ADAMTSL3: variants seen among roughly 807,000 people sequenced by gnomAD.
The protein encoded by ADAMTSL3 is ADAMTS-like protein 3.
In ADAMTSL3, 128 loss-of-function variants were observed where a neutral mutation model predicts 201.7. That is an observed-to-expected ratio of 0.63 (90% CI 0.55 to 0.73). The LOEUF is 0.73. ADAMTSL3 is among the 30% of genes least tolerant of loss of function. ADAMTSL3 has a pLI of 0.00. For synonymous variants in ADAMTSL3, 738 were observed against 748.4 expected (o/e 0.99, Z 0.23); for missense variants, 1,990 against 2,119.6 (o/e 0.94, Z 1.20).
intron 13 of ADAMTSL3, among the ~76,000 whole-genome samples, chr15:83,896,228 A>G (rs2065611704): frequency 6.6e-6 from 1 of 152,196 alleles, no homozygotes; most frequent in South Asian, 2.1e-4. Context: ...GAGATAACAA[A>G]TGAAGGAGGT....
chr15:83,712,381 C>G (rs959630825), intron 3 of ADAMTSL3, among the ~76,000 whole-genome samples: 1 of 152,232 alleles, frequency 6.6e-6, no homozygotes, highest in Admixed American at 6.5e-5. Context: ...GCCTCTCTTG[C>G]AGGCCTCACC....
chr15:83,949,734 T>C (rs767178121), intron 19 of ADAMTSL3, among the ~76,000 whole-genome samples: 5 of 152,182 alleles, frequency 3.3e-5, no homozygotes, highest in Non-Finnish European at 7.4e-5. Flanking sequence ...CTCATTGTAG[T>C]TCTGATTCGC....
chr15:83,874,202 G>A lies in ADAMTSL3; in HGVS notation c.960+3243G>A, dbSNP rs188454112. On this transcript the variant is annotated intron_variant, in intron 9 of 29. Coordinates refer to ENST00000286744, the MANE Select transcript of ADAMTSL3 (RefSeq NM_207517.3). ...GGCAGCGAGCCATGAAATTCATGAT[G>A]GTGGTTGCTCTCCAGGGCAGGGAGG... Among the ~76,000 whole-genome samples the A allele has an allele frequency of 2.5e-4, 36 of 144,892 alleles. 10 individuals are homozygous for A. The East Asian group carries it at 8.3e-3, about 33-fold the overall frequency.
intron 19 of ADAMTSL3, among the ~76,000 whole-genome samples, chr15:83,963,322 G>A (rs2067008700): frequency 2.6e-5 from 4 of 152,220 alleles, no homozygotes. Context: ...CTTGGTGGGG[G>A]AAGGGGCGTC....
At chr15:83,937,201 C>T (rs1248350155) in intron 17 of ADAMTSL3, among the ~76,000 whole-genome samples, 1 of 150,972 alleles carries the variant, frequency 6.6e-6, no homozygotes. Flanking sequence ...CATAAAGACA[C>T]ATGCACACGT....
intron 2 of ADAMTSL3, among the ~76,000 whole-genome samples, chr15:83,688,749 T>TACACAC (rs1157433275): frequency 0.032 from 1,571 of 48,942 alleles, 30 homozygotes; most frequent in African/African-American, 0.099. Context: ...TACACATGCA[T>TACACAC]ATATATACAC....
In ADAMTSL3 at chr15:83,899,675, T is replaced by G; in HGVS notation, c.1644T>G (p.Pro548=). ...AAAGTCCAGTGGAAGCAAAATTGCC[T>G]TGGCTGAAACAAGCACAAGAACTAG... ...KEKSPVEAKL[P]WLKQAQELEE... is the part of the protein sequence containing the mutation. The change falls in exon 15 of 30, where the codon CCT becomes CCG. Residue 548 remains proline (P), a synonymous_variant. Coordinates refer to ENST00000286744, the MANE Select transcript of ADAMTSL3 (RefSeq NM_207517.3). 1 of 1,612,390 alleles carries G rather than the reference T, an allele frequency of 6.2e-7. No individual in the cohort carries two copies. The highest frequency in any genetic ancestry group is 1.7e-4 in the Middle Eastern group (1 of 6,058).
At position 83,704,476 on chromosome 15, in the gene ADAMTSL3, G is replaced by A; in HGVS notation, c.157G>A (p.Glu53Lys). 6.2e-7 allele frequency: 1 copy of A among 1,614,160 alleles called. No individual in the cohort carries two copies. Among genetic ancestry groups the A allele is most frequent in the Non-Finnish European group, 8.5e-7 (1 of 1,180,024 alleles). Reference sequence around the variant, plus strand: ...AAGTTTTCTGGAAGACACAACAGGGGAGCAGTTCCTCACTTATCGCTATGA... The same window carrying A: ...AAGTTTTCTGGAAGACACAACAGGGAAGCAGTTCCTCACTTATCGCTATGA... ...QGSFLEDTTG[E>K]QFLTYRYDDQ... is the part of the protein sequence containing the mutation. Residue 53 changes from glutamate to lysine, a missense_variant, in exon 3 of 30, where the codon GAG (glutamate) becomes AAG (lysine). By Grantham distance (56) the Glu-to-Lys change is moderately conservative. Coordinates refer to ENST00000286744, the MANE Select transcript of ADAMTSL3 (RefSeq NM_207517.3).
At chr15:83,662,859 A>C (rs999578287) in intron 2 of ADAMTSL3, among the ~76,000 whole-genome samples, 1 of 152,074 alleles carries the variant, frequency 6.6e-6, no homozygotes, top group Non-Finnish European at 1.5e-5. Context: ...TCAGCTCTTT[A>C]CTCAACTGGA....
intron 23 of ADAMTSL3, among the ~76,000 whole-genome samples, chr15:84,002,904 A>ATC (rs1255488844): frequency 1.4e-5 from 2 of 142,722 alleles, no homozygotes; most frequent in African/African-American, 5.2e-5. Flanking sequence ...CACCTCCATA[A>ATC]TCTCTCTTTT....
rs575946756 is a variant in ADAMTSL3 at position 83,732,257 on chromosome 15, A to G, written c.189+27749A>G. Among the ~76,000 whole-genome samples, 5 of 152,246 alleles carry G rather than the reference A, an allele frequency of 3.3e-5. No individual in the cohort carries two copies. In the South Asian group the frequency reaches 1.0e-3, roughly 32 times the overall value. ...CTCAGAAGGGGTTAAATTATTTTCT[A>G]GGTACCTTATTTCCAGACTGTAATG... On this transcript the variant is annotated intron_variant, in intron 3 of 29. Transcript: ENST00000286744.
At chr15:83,671,136 A>G (rs2061324774) in intron 2 of ADAMTSL3, among the ~76,000 whole-genome samples, 1 of 152,092 alleles carries the variant, frequency 6.6e-6, no homozygotes, top group Non-Finnish European at 1.5e-5. Flanking sequence ...TTTGTACTAT[A>G]TTTTTCAGGT....
In ADAMTSL3 at chr15:83,897,881, G is replaced by A. The variant is rs1460145964; in HGVS notation, c.1491G>A (p.Gly497=). Reference sequence around the variant, plus strand: ...AGTGCACAGTGACTTGTGGCCGAGGGTTACGGTACCGGGTTGTTCTGTGTA... The same window carrying A: ...AGTGCACAGTGACTTGTGGCCGAGGATTACGGTACCGGGTTGTTCTGTGTA... ...WSQCTVTCGR[G]LRYRVVLCIN... is the part of the protein sequence containing the mutation. Residue 497 remains glycine (G), a synonymous_variant, in exon 14 of 30, where the codon GGG becomes GGA. Transcript: ENST00000286744. 3.0e-5 allele frequency: 48 copies of A among 1,608,546 alleles called. No individual in the cohort carries two copies. Among genetic ancestry groups the A allele is most frequent in the South Asian group, 7.8e-5 (7 of 90,304 alleles).
intron 5 of ADAMTSL3, among the ~76,000 whole-genome samples, chr15:83,813,080 T>C (rs969784880): frequency 1.3e-5 from 2 of 152,240 alleles, no homozygotes; most frequent in African/African-American, 4.8e-5. Context: ...TAAAGCATGG[T>C]AGCTTTTAGC....
At position 83,982,332 on chromosome 15, in the gene ADAMTSL3, C is replaced by G. The variant is rs771562663; in HGVS notation, c.2704C>G (p.Gln902Glu). 2.5e-6 allele frequency: 4 copies of G among 1,613,684 alleles called. No homozygotes were observed. The highest frequency in any genetic ancestry group is 3.4e-6 in the Non-Finnish European group (4 of 1,179,956). Residue 902 changes from glutamine to glutamate, a missense_variant, in exon 21 of 30, where the codon CAG (glutamine) becomes GAG (glutamate). Transcript: ENST00000286744. ...GCAGGGTCCGCAGATCCTCAGTGTC[C>G]AGAGAGTCTACATTCAGACAAGGGA... Reference protein sequence around the residue: ...GEQGPQILSVQRVYIQTREEK... With the variant: ...GEQGPQILSVERVYIQTREEK...
intron 21 of ADAMTSL3, among the ~76,000 whole-genome samples, chr15:83,985,461 C>G (rs1233607373): frequency 6.6e-6 from 1 of 152,010 alleles, no homozygotes; most frequent in African/African-American, 2.4e-5. Flanking sequence ...ATTGGTCATT[C>G]TTTCAAGTAA....
Position 83,720,322 on chromosome 15 carries a change from C to G in ADAMTSL3, c.189+15814C>G, listed in dbSNP as rs187155857. Among the ~76,000 whole-genome samples the G allele has an allele frequency of 2.2e-4, 33 of 152,216 alleles. 1 individual carries two copies. Among genetic ancestry groups the G allele is most frequent in the Admixed American group, 2.0e-4 (3 of 15,282 alleles). On this transcript the variant is annotated intron_variant, in intron 3 of 29. Transcript: ENST00000286744. ...AATGCAACTTCAAAAATATCAAATT[C>G]ACTAGAAAAAATTAATTAGCAGAAA...
At chr15:84,029,844 C>T (rs556660881) in intron 27 of ADAMTSL3, among the ~76,000 whole-genome samples, 21 of 152,256 alleles carry the variant, frequency 1.4e-4, no homozygotes, top group Admixed American at 3.3e-4. Flanking sequence ...TTGTGCAGTC[C>T]GAGCACTTGG....
chr15:83,687,020 G>A (rs2061545392), intron 2 of ADAMTSL3, among the ~76,000 whole-genome samples: 1 of 144,400 alleles, frequency 6.9e-6, no homozygotes, highest in Non-Finnish European at 1.5e-5. Context: ...GCAGGACCCT[G>A]TCTCTACAAA....
Sources: gnomAD v4.1 joint callset for allele counts (sites outside exome capture counted in the v4.1 genomes callset) on GRCh38, gnomAD v4.1.1 for gene constraint, MANE v1.5 for transcripts, NCBI Gene and HGNC (gene_info 2026-07-23, HGNC 2026-07-21) for gene names.